MTFR1: variants seen among roughly 807,000 people sequenced by gnomAD.
MTFR1 encodes mitochondrial fission regulator 1, also known as chondrocyte protein with a poly-proline region.
A neutral mutation model predicts 38.8 loss-of-function variants in MTFR1; 28 were observed. The observed-to-expected ratio is 0.72, with a 90% CI of 0.53 to 0.99. The LOEUF (loss-of-function observed/expected upper bound fraction) is 0.99. Ranked by LOEUF, MTFR1 falls within the 50% of genes least tolerant of loss-of-function variation. The probability of loss-of-function intolerance (pLI) is 0.00; values close to 1 mark genes in which losing one functional copy is unlikely to be tolerated. For synonymous variants in MTFR1, 145 were observed against 137.0 expected (o/e 1.06, Z -0.41); for missense variants, 358 against 395.5 (o/e 0.91, Z 0.81).
At chr8:65,651,552 G>A (rs774598699) in intron 1 of MTFR1, among the ~76,000 whole-genome samples, 2 of 152,154 alleles carry the variant, frequency 1.3e-5, no homozygotes, top group Non-Finnish European at 2.9e-5. Flanking sequence ...ATTTATTGAA[G>A]AGACTGTCTT....
At chr8:65,649,753 T>G (rs955867213) in intron 1 of MTFR1, among the ~76,000 whole-genome samples, 1 of 152,178 alleles carries the variant, frequency 6.6e-6, no homozygotes, top group African/African-American at 2.4e-5. Context: ...TCTAACTGTA[T>G]TTTTGTATGC....
intron 2 of MTFR1, among the ~76,000 whole-genome samples, chr8:65,715,752 G>A (rs1359666190): frequency 4.7e-5 from 7 of 148,246 alleles, no homozygotes; most frequent in South Asian, 2.1e-4. Flanking sequence ...ATGGGAGGCC[G>A]AGGCGGGCGG....
At chr8:65,743,548 T>G (rs1183578568) in intron 3 of MTFR1, among the ~76,000 whole-genome samples, 1 of 152,174 alleles carries the variant, frequency 6.6e-6, no homozygotes, top group Non-Finnish European at 1.5e-5. Flanking sequence ...CTGTCAACAC[T>G]GCATAAGCAA....
chr8:65,720,232 A>G (rs1348924334), intron 3 of MTFR1, among the ~76,000 whole-genome samples: 1 of 152,250 alleles, frequency 6.6e-6, no homozygotes, highest in African/African-American at 2.4e-5. Context: ...CTGACTTAAT[A>G]CTAAGTAGTA....
At chr8:65,693,466 T>C (rs1052726093) in intron 3 of MTFR1, among the ~76,000 whole-genome samples, 178 bp from the exon 4 acceptor site, 2 of 152,192 alleles carry the variant, frequency 1.3e-5, no homozygotes, top group Admixed American at 6.5e-5. Context: ...GATTGTCATA[T>C]ACTATTAGGC....
At chr8:65,771,256 TA>T (rs1809071863) in exon 4 of MTFR1, 1 of 153,038 alleles carries the variant, frequency 6.5e-6, no homozygotes, top group South Asian at 2.0e-4. Flanking sequence ...TAAAAAATCT[TA>T]AAAGAAAAGT....
At chr8:65,745,512 A>G in intron 3 of MTFR1, 4 of 1,084,740 alleles carry the variant, frequency 3.7e-6, no homozygotes, top group Non-Finnish European at 5.7e-6. Flanking sequence ...TTTAATTTCA[A>G]TAACATTGTC....
chr8:65,677,361 C>G (rs1310708461), intron 2 of MTFR1, among the ~76,000 whole-genome samples: 1 of 149,300 alleles, frequency 6.7e-6, no homozygotes, highest in Non-Finnish European at 1.5e-5. Flanking sequence ...TGAACCACTG[C>G]GCCTGGCCCT....
At chr8:65,705,901 A>G (rs1284913645) in intron 5 of MTFR1, among the ~76,000 whole-genome samples, 1 of 152,218 alleles carries the variant, frequency 6.6e-6, no homozygotes, top group Non-Finnish European at 1.5e-5. Flanking sequence ...GGAGGAAACT[A>G]TAGCCTTGAA....
intron 3 of MTFR1, chr8:65,747,622 T>C (rs1807735589): frequency 6.8e-7 from 1 of 1,462,838 alleles, no homozygotes; most frequent in Non-Finnish European, 9.4e-7. Flanking sequence ...TATCAAAAAA[T>C]TAATGTTTTC....
At chr8:65,730,168 CTTCTT>C (rs1563473719) in intron 3 of MTFR1, among the ~76,000 whole-genome samples, 7 of 31,676 alleles carry the variant, frequency 2.2e-4, no homozygotes, top group African/African-American at 1.5e-3. Flanking sequence ...AGGTTGCGCA[CTTCTT>C]TTTTTTTTTT....
chr8:65,668,524 T>TG (rs1490199487), intron 1 of MTFR1, among the ~76,000 whole-genome samples: 6 of 109,592 alleles, frequency 5.5e-5, no homozygotes, highest in Non-Finnish European at 1.2e-4. Flanking sequence ...TTTTCTTTTT[T>TG]CTTTTTTTTT....
At chr8:65,774,936 T>C (rs1012109817), downstream of MTFR1, among the ~76,000 whole-genome samples, 40 of 152,164 alleles carry the variant, frequency 2.6e-4, no homozygotes, top group Admixed American at 2.6e-4. Context: ...GCAAATAACA[T>C]CTTAGTATTA....
At chr8:65,723,194 A>C (rs1274793276) in intron 3 of MTFR1, 1 of 156,648 alleles carries the variant, frequency 6.4e-6, no homozygotes, top group Non-Finnish European at 1.4e-5. Flanking sequence ...TTTTTATTTT[A>C]TTTATTTTAT....
rs1805873278 is a variant in MTFR1 at position 65,709,188 on chromosome 8, A to G, written c.*144A>G. 1.4e-5 allele frequency: 10 copies of G among 732,962 alleles called. No individual in the cohort carries two copies. In the South Asian group the frequency reaches 1.6e-4, roughly 12 times the overall value. The allele number at this position is 732,962 out of a possible 1,614,324, so 45.4% of individuals were successfully genotyped here. Reference sequence around the variant, plus strand: ...CAGGCTAATTAGTGGATTAAGCAATAATGAAAGCACTAAGTTTGGTTTTGC... The same window carrying G: ...CAGGCTAATTAGTGGATTAAGCAATGATGAAAGCACTAAGTTTGGTTTTGC... On this transcript the variant is annotated 3_prime_UTR_variant, in exon 8 of 8. Coordinates refer to ENST00000262146, the MANE Select transcript of MTFR1 (RefSeq NM_014637.4).
At chr8:65,771,884 CAAAA>C (rs36101490), downstream of MTFR1, among the ~76,000 whole-genome samples, 2 of 55,828 alleles carry the variant, frequency 3.6e-5, no homozygotes, top group East Asian at 5.7e-4. Flanking sequence ...CTCCATCTCT[CAAAA>C]AAAAAAAAAA....
At chr8:65,747,476 C>G (rs1585863919) in intron 3 of MTFR1, among the ~76,000 whole-genome samples, 1 of 152,116 alleles carries the variant, frequency 6.6e-6, no homozygotes, top group East Asian at 1.9e-4. Flanking sequence ...TTCCCTTGCT[C>G]TGTAATGGCT....
intron 1 of MTFR1, among the ~76,000 whole-genome samples, chr8:65,654,902 G>T (rs1350001730): frequency 6.6e-6 from 1 of 152,014 alleles, no homozygotes; most frequent in African/African-American, 2.4e-5. Context: ...CACATAATAT[G>T]CAGGGGACAG....
At chr8:65,667,334 A>T (rs976982580) in intron 1 of MTFR1, among the ~76,000 whole-genome samples, 1 of 148,166 alleles carries the variant, frequency 6.7e-6, no homozygotes, top group Non-Finnish European at 1.5e-5. Flanking sequence ...TATAGAGCCA[A>T]ATGTGTATAC....
Sources: allele counts gnomAD v4.1 joint callset (sites outside exome capture counted in the v4.1 genomes callset), GRCh38; gene constraint gnomAD v4.1.1; transcripts MANE v1.5; gene names NCBI Gene and HGNC (gene_info 2026-07-23, HGNC 2026-07-21).